Variants in MSH3 observed in about 807,000 individuals in gnomAD.
MSH3 encodes mutS homolog 3, also known as DNA mismatch repair protein Msh3.
Under a neutral mutation model 123.3 loss-of-function variants are expected in MSH3, and 106 were observed. That is an observed-to-expected ratio of 0.86 (90% CI 0.73 to 1.01). The LOEUF (loss-of-function observed/expected upper bound fraction) is 1.01, where lower values mean the gene tolerates loss of function less well. Among genes scored for constraint, MSH3 ranks in the 50% least tolerant of loss-of-function variants. The pLI is 0.00. For synonymous variants in MSH3, 515 were observed against 481.4 expected, an observed-to-expected ratio of 1.07 and a Z score of -0.91; for missense variants, 1,459 against 1,347.6, an observed-to-expected ratio of 1.08 and a Z score of -1.29.
chr5:80,697,058 A>C (rs1750499006), intron 8 of MSH3, among the ~76,000 whole-genome samples: 1 of 152,216 alleles, frequency 6.6e-6, no homozygotes, highest in Non-Finnish European at 1.5e-5. Context: ...AGCATACAAA[A>C]ATTTATAGGA....
chr5:80,844,422 G>T (rs1305381391), intron 20 of MSH3, among the ~76,000 whole-genome samples: 1 of 152,052 alleles, frequency 6.6e-6, no homozygotes, highest in Non-Finnish European at 1.5e-5. Flanking sequence ...GGTCCGTTTG[G>T]TCCAGAGCTG....
At chr5:80,798,594 C>G (rs1580056638) in intron 19 of MSH3, among the ~76,000 whole-genome samples, 1 of 152,170 alleles carries the variant, frequency 6.6e-6, no homozygotes, top group Non-Finnish European at 1.5e-5. Context: ...CTCACAGATT[C>G]TGCTGTAAAG....
intron 18 of MSH3, among the ~76,000 whole-genome samples, chr5:80,788,947 C>T (rs541356990): frequency 5.9e-5 from 9 of 152,194 alleles, no homozygotes; most frequent in African/African-American, 1.4e-4. Flanking sequence ...TCTTGCTATG[C>T]GTGTTCTATC....
At position 80,784,238 on chromosome 5, in the gene MSH3, AAGG is replaced by A. The variant is rs1561477456; in HGVS notation, c.2436-3326_2436-3324del. ...AAAAAAAAAAAAAAAAAAAAAAAAA[AAGG>A]GAAATAAATAAATAAATAAATAAAG... is the stretch of plus-strand genomic sequence containing the variant. On this transcript the variant is annotated intron_variant, in intron 17 of 23. Transcript: ENST00000265081. 9.9e-5 allele frequency among the ~76,000 whole-genome samples: 11 copies of A among 111,572 alleles called. 1 individual carries two copies. The highest frequency in any genetic ancestry group is 1.4e-4 in the Non-Finnish European group (8 of 57,418). The allele number at this position is 111,572 out of a possible 152,430, so 73.2% of individuals were successfully genotyped here.
At chr5:80,784,868 T>C (rs541893801) in intron 17 of MSH3, among the ~76,000 whole-genome samples, 2 of 152,338 alleles carry the variant, frequency 1.3e-5, no homozygotes, top group South Asian at 4.1e-4. Flanking sequence ...TTCTATCTAC[T>C]CAGTAAATAA....
intron 20 of MSH3, among the ~76,000 whole-genome samples, chr5:80,828,501 A>G (rs896813632): frequency 6.6e-6 from 1 of 152,152 alleles, no homozygotes; most frequent in African/African-American, 2.4e-5. Context: ...CACAAATTCT[A>G]TGTCCTTCTC....
Position 80,841,621 on chromosome 5 carries a change from A to G in MSH3, c.2814-12509A>G, listed in dbSNP as rs1745626994. 1.1e-4 allele frequency among the ~76,000 whole-genome samples: 17 copies of G among 152,226 alleles called. No individual in the cohort carries two copies. The South Asian group carries it at 3.3e-3, about 30-fold the overall frequency. On this transcript the variant is annotated intron_variant, in intron 20 of 23. Coordinates refer to ENST00000265081, the MANE Select transcript of MSH3 (RefSeq NM_002439.5). The stretch of plus-strand genomic sequence containing the variant: ...TCTAACTGGAATGAGATGGTATGTC[A>G]TTGTGGTTTTGATTTGCATTTCTCT...
rs141246449 is a variant in MSH3, at chr5:80,711,101, A to G, written c.1341-14352A>G. On this transcript the variant is annotated intron_variant, in intron 8 of 23. Transcript: ENST00000265081. ...CAAAAGTGTAGAAAAAACTAGAAAA[A>G]AAGTTTTAGAACAACACGAGTTTAC... Among the ~76,000 whole-genome samples the G allele has an allele frequency of 1.7e-3, 259 of 152,368 alleles. 2 individuals carry two copies. Among genetic ancestry groups the G allele is most frequent in the African/African-American group, 6.0e-3 (251 of 41,586 alleles).
chr5:80,716,010 A>G (rs1244616920), intron 8 of MSH3, among the ~76,000 whole-genome samples: 1 of 152,182 alleles, frequency 6.6e-6, no homozygotes, highest in African/African-American at 2.4e-5. Flanking sequence ...CTTCATCTTT[A>G]GTGCTCTCTC....
chr5:80,739,361 GTTTTACA>G (rs1162822022), intron 10 of MSH3, among the ~76,000 whole-genome samples: 1 of 152,114 alleles, frequency 6.6e-6, no homozygotes, highest in Non-Finnish European at 1.5e-5. Context: ...TGTAAATAAT[GTTTTACA>G]TTTTATAACT....
At chr5:80,683,128 G>A (rs964534019) in intron 8 of MSH3, among the ~76,000 whole-genome samples, 6 of 152,242 alleles carry the variant, frequency 3.9e-5, no homozygotes, top group South Asian at 4.1e-4. Flanking sequence ...CTGGGTGCTC[G>A]CAAATCTTAG....
intron 8 of MSH3, among the ~76,000 whole-genome samples, chr5:80,689,831 C>T (rs1156866126): frequency 6.6e-6 from 1 of 151,844 alleles, no homozygotes; most frequent in East Asian, 1.9e-4. Context: ...GTATTCTCCA[C>T]CAGATCCTGT....
In MSH3 at chr5:80,779,842, G is replaced by T. The variant is rs1056279325; in HGVS notation, c.2435+1006G>T. Among the ~76,000 whole-genome samples the T allele has an allele frequency of 3.4e-4, 52 of 151,938 alleles. 1 individual carries two copies. Among genetic ancestry groups the T allele is most frequent in the African/African-American group, 1.2e-3 (51 of 41,324 alleles). On this transcript the variant is annotated intron_variant, in intron 17 of 23. Transcript: ENST00000265081. ...GCCTCCCAAAGTGCTGGGATTACAGGCATGAGCCACTGTGCCGGCCAAAAA... is the reference window on the plus strand; with the variant it reads ...GCCTCCCAAAGTGCTGGGATTACAGTCATGAGCCACTGTGCCGGCCAAAAA...
chr5:80,728,129 C>G (rs1702132589), intron 9 of MSH3, among the ~76,000 whole-genome samples: 1 of 152,092 alleles, frequency 6.6e-6, no homozygotes, highest in South Asian at 2.1e-4. Flanking sequence ...GGGCTTTGAC[C>G]TCTACTCTTA....
chr5:80,729,554 T>G (rs1743373801), intron 10 of MSH3, among the ~76,000 whole-genome samples: 1 of 151,592 alleles, frequency 6.6e-6, no homozygotes, highest in South Asian at 2.1e-4. Context: ...AAACTGTGCT[T>G]TATACTAACT....
In MSH3 at chr5:80,776,927, TA is replaced by T. The variant is rs1173093277; in HGVS notation, c.2318+1170del. Reference sequence around the variant, plus strand: ...TATAATACAAATATATATATATATATATTTTTTTTTTTTCTTTTTTTTAAGA... The same window carrying T: ...TATAATACAAATATATATATATATATTTTTTTTTTTTTCTTTTTTTTAAGA... On this transcript the variant is annotated intron_variant, in intron 16 of 23. Transcript: ENST00000265081. 9.9e-3 allele frequency among the ~76,000 whole-genome samples: 1,184 copies of T among 120,012 alleles called. 10 individuals carry two copies. Among genetic ancestry groups the T allele is most frequent in the African/African-American group, 0.031 (851 of 27,834 alleles). 78.7% of individuals were successfully genotyped at this position (120,012 alleles called of 152,430 possible). A position where few individuals can be genotyped will look rare whatever the true frequency, so the allele number is the denominator to read the frequency against.
At chr5:80,706,233 G>C (rs933313926) in intron 8 of MSH3, among the ~76,000 whole-genome samples, 18 of 152,200 alleles carry the variant, frequency 1.2e-4, no homozygotes, top group African/African-American at 4.3e-4. Context: ...AGAAAGAGTA[G>C]TTATTTTAGG....
chr5:80,796,829 T>C (rs1332711179), intron 19 of MSH3, among the ~76,000 whole-genome samples: 3 of 150,720 alleles, frequency 2.0e-5, no homozygotes, highest in Non-Finnish European at 3.0e-5. Flanking sequence ...TTTATACATG[T>C]GGTCACCGCT....
intron 8 of MSH3, among the ~76,000 whole-genome samples, chr5:80,694,523 A>G (rs1323456174): frequency 6.6e-6 from 1 of 152,138 alleles, no homozygotes; most frequent in Non-Finnish European, 1.5e-5. Flanking sequence ...ACCATCACAC[A>G]TAATTTAGGA....
Sources: gnomAD v4.1 joint callset for allele counts (sites outside exome capture counted in the v4.1 genomes callset) on GRCh38, gnomAD v4.1.1 for gene constraint, MANE v1.5 for transcripts, NCBI Gene and HGNC (gene_info 2026-07-23, HGNC 2026-07-21) for gene names.